Variants in OR51B5 observed in about 807,000 individuals in gnomAD.
OR51B5 encodes the protein olfactory receptor family 51 subfamily B member 5, also known as olfactory receptor 51B5.
For synonymous variants in OR51B5, 186 were observed against 144.8 expected (o/e 1.28, Z -2.04); for missense variants, 456 against 374.6 (o/e 1.22, Z -1.79).
chr11:5,384,804 T>A (rs768892200), intron 1 of OR51B5, among the ~76,000 whole-genome samples: 1 of 152,226 alleles, frequency 6.6e-6, no homozygotes, highest in Non-Finnish European at 1.5e-5. Context: ...ACTTCCCCAG[T>A]ATCCAGGATA....
At chr11:5,485,746 G>T (rs1371063085) in intron 1 of OR51B5, among the ~76,000 whole-genome samples, 1 of 152,070 alleles carries the variant, frequency 6.6e-6, no homozygotes, top group Non-Finnish European at 1.5e-5. Flanking sequence ...TAGCTCTTTT[G>T]ACTCAAGGCT....
At chr11:5,361,125 A>G (rs1849277890) in intron 1 of OR51B5, among the ~76,000 whole-genome samples, 1 of 147,074 alleles carries the variant, frequency 6.8e-6, no homozygotes, top group South Asian at 2.2e-4. Flanking sequence ...ATGTACCCTA[A>G]AACTTAAAGT....
chr11:5,378,096 C>G (rs1289748400), intron 1 of OR51B5, among the ~76,000 whole-genome samples: 1 of 151,920 alleles, frequency 6.6e-6, no homozygotes, highest in African/African-American at 2.4e-5. Context: ...CAGCATGTTA[C>G]TGGTACCAAA....
chr11:5,468,713 C>T (rs1161769629), intron 1 of OR51B5: 5 of 456,448 alleles, frequency 1.1e-5, no homozygotes, highest in Non-Finnish European at 2.2e-5. Context: ...TGTCTTAAGC[C>T]TCTCACCCCT....
At chr11:5,355,815 A>G (rs538492528) in intron 1 of OR51B5, among the ~76,000 whole-genome samples, 1 of 152,128 alleles carries the variant, frequency 6.6e-6, no homozygotes, top group Non-Finnish European at 1.5e-5. Flanking sequence ...AAATTTTCTT[A>G]AAGGATCAAT....
At chr11:5,414,486 G>A (rs530895242) in intron 1 of OR51B5, among the ~76,000 whole-genome samples, 282 of 152,010 alleles carry the variant, frequency 1.9e-3, no homozygotes, top group African/African-American at 6.4e-3. Context: ...ACACAGACTG[G>A]CAAATTGGAT....
chr11:5,383,724 G>C (rs2647552), intron 1 of OR51B5: 61,410 of 151,886 alleles, frequency 0.4, 12,661 homozygotes, highest in South Asian at 0.54. Context: ...CTGCCCATAG[G>C]ATTCCCAGCC....
At chr11:5,441,005 G>A (rs1850678054) in intron 1 of OR51B5, 10 of 1,613,916 alleles carry the variant, frequency 6.2e-6, no homozygotes, top group Middle Eastern at 1.6e-4. Context: ...TGCCTTTGCA[G>A]AAGGGCAGTC....
chr11:5,389,858 G>C lies in OR51B5; in HGVS notation n.85-42948C>G, dbSNP rs535846608. The C allele has an allele frequency of 2.1e-4, 334 of 1,613,732 alleles. 6 individuals carry two copies. In the South Asian group the frequency reaches 2.2e-3, roughly 11 times the overall value. On this transcript the variant is annotated intron_variant and non_coding_transcript_variant, in intron 1 of 4. Transcript: ENST00000415970. Reference sequence around the variant, plus strand: ...GGTCATTATCACTGGCCAGCAAGTGGTCAGAGCAGGCCTAATTGTCATCTT... The same window carrying C: ...GGTCATTATCACTGGCCAGCAAGTGCTCAGAGCAGGCCTAATTGTCATCTT...
At chr11:5,413,103 T>C (rs1850177224) in intron 1 of OR51B5, among the ~76,000 whole-genome samples, 1 of 152,048 alleles carries the variant, frequency 6.6e-6, no homozygotes, top group Non-Finnish European at 1.5e-5. Flanking sequence ...AGAGGAACGA[T>C]CAGACAGCAG....
intron 1 of OR51B5, among the ~76,000 whole-genome samples, chr11:5,438,540 T>C (rs191770243): frequency 2.0e-5 from 3 of 152,360 alleles, no homozygotes; most frequent in Admixed American, 2.0e-4. Context: ...TGACCAACTC[T>C]GTGCTGAGTG....
intron 1 of OR51B5, among the ~76,000 whole-genome samples, chr11:5,498,265 C>T (rs2133819154): frequency 6.6e-6 from 1 of 152,316 alleles, no homozygotes; most frequent in Middle Eastern, 3.4e-3. Flanking sequence ...GCTGAGTGAA[C>T]AGCAGTGGTA....
intron 1 of OR51B5, among the ~76,000 whole-genome samples, chr11:5,396,983 G>A (rs1355414523): frequency 6.6e-6 from 1 of 152,186 alleles, no homozygotes. Context: ...AATGGTGCTG[G>A]GAAAACTGGC....
chr11:5,340,451 TA>T (rs1355180237), downstream of OR51B5: 1 of 27,458 alleles, frequency 3.6e-5, no homozygotes, highest in Non-Finnish European at 1.0e-4. Flanking sequence ...TGCATTTTAG[TA>T]ATTCTACAAC....
chr11:5,343,309 G>C (rs1848933940), exon 1 of OR51B5: 1 of 1,609,592 alleles, frequency 6.2e-7, no homozygotes, highest in African/African-American at 1.4e-5. Context: ...TTGTGGTCAG[G>C]GCCAGCCCCA....
intron 1 of OR51B5, among the ~76,000 whole-genome samples, chr11:5,475,864 G>A (rs186354868): frequency 1.3e-5 from 2 of 152,090 alleles, no homozygotes; most frequent in East Asian, 1.9e-4. Context: ...ACACATGGTA[G>A]GGTACATGTG....
chr11:5,443,078 G>A (rs906801688), intron 1 of OR51B5, among the ~76,000 whole-genome samples: 2 of 152,056 alleles, frequency 1.3e-5, no homozygotes, highest in Non-Finnish European at 2.9e-5. Flanking sequence ...AAACTGAGAA[G>A]TCACACCATA....
At chr11:5,371,610 A>G (rs1459355911) in intron 1 of OR51B5, among the ~76,000 whole-genome samples, 3 of 152,196 alleles carry the variant, frequency 2.0e-5, no homozygotes, top group Non-Finnish European at 4.4e-5. Context: ...CTTGCTTCAG[A>G]TAAAAGCTTT....
At chr11:5,452,996 G>C (rs527651346) in intron 1 of OR51B5, among the ~76,000 whole-genome samples, 10 of 150,970 alleles carry the variant, frequency 6.6e-5, no homozygotes, top group African/African-American at 2.5e-4. Context: ...TACAAAACTT[G>C]CTCTGGGAAA....
Sources: gnomAD v4.1 joint callset for allele counts (sites outside exome capture counted in the v4.1 genomes callset) on GRCh38, gnomAD v4.1.1 for gene constraint, MANE v1.5 for transcripts, NCBI Gene and HGNC (gene_info 2026-07-23, HGNC 2026-07-21) for gene names.